TBC1D5: variants seen among roughly 807,000 people sequenced by gnomAD.
TBC1D5 encodes the protein TBC1 domain family, member 5.
Under a neutral mutation model 100.3 loss-of-function variants are expected in TBC1D5, and 75 were observed. The observed-to-expected ratio is 0.75, with a 90% CI of 0.62 to 0.91. The LOEUF (loss-of-function observed/expected upper bound fraction) is 0.91, where lower values mean the gene tolerates loss of function less well. Ranked by LOEUF, TBC1D5 falls within the 40% of genes least tolerant of loss-of-function variation. The probability of loss-of-function intolerance (pLI) is 0.00; values close to 1 mark genes in which losing one functional copy is unlikely to be tolerated. For synonymous variants in TBC1D5, 323 were observed against 325.6 expected (o/e 0.99, Z 0.09); for missense variants, 910 against 942.4 (o/e 0.97, Z 0.45).
At chr3:17,529,008 T>C (rs2096179537) in intron 2 of TBC1D5, among the ~76,000 whole-genome samples, 1 of 152,210 alleles carries the variant, frequency 6.6e-6, no homozygotes, top group South Asian at 2.1e-4. Context: ...TCTTGAAGCC[T>C]CTGGACAAGA....
chr3:17,714,689 T>C (rs1188427171), intron 1 of TBC1D5, among the ~76,000 whole-genome samples: 1 of 152,184 alleles, frequency 6.6e-6, no homozygotes, highest in Admixed American at 6.5e-5. Context: ...ACTAAACAAG[T>C]CAGGCATGGT....
chr3:17,691,556 T>A (rs2071163450), intron 1 of TBC1D5, among the ~76,000 whole-genome samples: 1 of 152,132 alleles, frequency 6.6e-6, no homozygotes, highest in Admixed American at 6.5e-5. Flanking sequence ...CCGTGGCTCA[T>A]ACTTGTAATC....
At chr3:17,166,700 C>G in intron 21 of TBC1D5, 67 bp downstream of exon 22, 1 of 1,546,992 alleles carries the variant, frequency 6.5e-7, no homozygotes, top group Non-Finnish European at 8.7e-7. Flanking sequence ...GTATTCTTAA[C>G]TTTGAGGAAC....
chr3:17,401,716 A>G (rs960010135), intron 8 of TBC1D5, among the ~76,000 whole-genome samples: 1 of 152,264 alleles, frequency 6.6e-6, no homozygotes. Flanking sequence ...TGCTCATTAG[A>G]CAGATCAATC....
chr3:17,477,209 A>G (rs1006474473), intron 3 of TBC1D5, among the ~76,000 whole-genome samples: 18 of 152,072 alleles, frequency 1.2e-4, no homozygotes, highest in African/African-American at 4.3e-4. Flanking sequence ...ATTTTCCCTA[A>G]GTACTAACCT....
chr3:17,408,072 G>T (rs2093820609), intron 4 of TBC1D5, among the ~76,000 whole-genome samples: 1 of 151,940 alleles, frequency 6.6e-6, no homozygotes, highest in African/African-American at 2.4e-5. Flanking sequence ...CACATGCTTG[G>T]GATCAGAAAG....
intron 1 of TBC1D5, among the ~76,000 whole-genome samples, chr3:17,651,161 C>T (rs895298163): frequency 1.3e-5 from 2 of 152,018 alleles, no homozygotes; most frequent in African/African-American, 4.8e-5. Flanking sequence ...CAAAAAAATT[C>T]TTAAATATCA....
chr3:17,604,887 G>A (rs900152611), intron 2 of TBC1D5, among the ~76,000 whole-genome samples: 1 of 152,050 alleles, frequency 6.6e-6, no homozygotes, highest in Non-Finnish European at 1.5e-5. Flanking sequence ...TGTTGGCCAG[G>A]CTGGACTCCA....
chr3:17,705,162 T>A (rs1455280353), intron 1 of TBC1D5, among the ~76,000 whole-genome samples: 3 of 54,296 alleles, frequency 5.5e-5, no homozygotes, highest in South Asian at 9.6e-4. Flanking sequence ...CCCCCCCACC[T>A]CCCTCCCGGA....
At chr3:17,260,754 T>A (rs1367318316) in intron 15 of TBC1D5, among the ~76,000 whole-genome samples, 1 of 152,214 alleles carries the variant, frequency 6.6e-6, no homozygotes, top group Non-Finnish European at 1.5e-5. Context: ...ACCTATAATT[T>A]AAAATTTTCT....
At chr3:17,185,659 T>C (rs1289921613) in intron 18 of TBC1D5, among the ~76,000 whole-genome samples, 3 of 151,580 alleles carry the variant, frequency 2.0e-5, no homozygotes, top group South Asian at 4.2e-4. Context: ...TTTCCCTTTT[T>C]ATAAGACAAA....
chr3:17,702,321 C>T (rs1056053890), intron 1 of TBC1D5: 1 of 151,694 alleles, frequency 6.6e-6, no homozygotes, highest in African/African-American at 2.4e-5. Flanking sequence ...GAAATTATGG[C>T]ATTACACCTC....
At chr3:17,549,921 CTCTG>C (rs1401786354) in intron 2 of TBC1D5, among the ~76,000 whole-genome samples, 1 of 150,862 alleles carries the variant, frequency 6.6e-6, no homozygotes, top group Admixed American at 6.6e-5. Flanking sequence ...CACAATGAGA[CTCTG>C]TCTAAAATAA....
At chr3:17,253,379 G>A (rs1053480034) in intron 16 of TBC1D5, among the ~76,000 whole-genome samples, 15 of 152,148 alleles carry the variant, frequency 9.9e-5, no homozygotes, top group African/African-American at 2.7e-4. Flanking sequence ...CAACTAAAGT[G>A]CTCTTTCTGA....
At chr3:17,514,059 A>G (rs2095950060) in intron 2 of TBC1D5, among the ~76,000 whole-genome samples, 1 of 152,166 alleles carries the variant, frequency 6.6e-6, no homozygotes, top group Admixed American at 6.5e-5. Flanking sequence ...AAAAGAGGGA[A>G]AGAAAACAAA....
chr3:17,227,007 C>T (rs1028339561), intron 17 of TBC1D5, among the ~76,000 whole-genome samples: 5 of 152,080 alleles, frequency 3.3e-5, no homozygotes, highest in Non-Finnish European at 7.4e-5. Flanking sequence ...CTGTTTAGCA[C>T]TGGGGAGGGA....
intron 1 of TBC1D5, among the ~76,000 whole-genome samples, chr3:17,682,203 T>C (rs938867836): frequency 2.6e-5 from 4 of 151,292 alleles, no homozygotes; most frequent in Admixed American, 6.6e-5. Context: ...TCCCAGCATT[T>C]TGGGAGGCCA....
intron 4 of TBC1D5, among the ~76,000 whole-genome samples, chr3:17,409,688 G>T (rs1373519901): frequency 6.6e-6 from 1 of 152,070 alleles, no homozygotes; most frequent in Non-Finnish European, 1.5e-5. Flanking sequence ...GAGAAAGTTT[G>T]AATGGTCTGG....
At chr3:17,707,614 T>C (rs2074306512) in intron 1 of TBC1D5, among the ~76,000 whole-genome samples, 1 of 152,168 alleles carries the variant, frequency 6.6e-6, no homozygotes, top group Non-Finnish European at 1.5e-5. Flanking sequence ...AAAGATGATG[T>C]AAAACAAAAT....
Sources: gnomAD v4.1 joint callset for allele counts (sites outside exome capture counted in the v4.1 genomes callset) on GRCh38, gnomAD v4.1.1 for gene constraint, MANE v1.5 for transcripts, NCBI Gene and HGNC (gene_info 2026-07-23, HGNC 2026-07-21) for gene names.